Variants in REEP1 observed in about 807,000 individuals in gnomAD.
REEP1 encodes receptor expression-enhancing protein 1.
Under a neutral mutation model 40.3 loss-of-function variants are expected in REEP1, and 22 were observed. That is an observed-to-expected ratio of 0.55 (90% CI 0.39 to 0.78). REEP1 has a LOEUF of 0.78. Ranked by LOEUF, REEP1 falls within the 30% of genes least tolerant of loss-of-function variation. REEP1 has a pLI of 0.00. For missense variants in REEP1, 280 were observed against 361.1 expected, an observed-to-expected ratio of 0.78 and a Z score of 1.82; for synonymous variants, 116 against 139.2, an observed-to-expected ratio of 0.83 and a Z score of 1.17.
intron 1 of REEP1, among the ~76,000 whole-genome samples, chr2:86,322,043 G>A (rs1273253400): frequency 6.6e-6 from 1 of 152,202 alleles, no homozygotes; most frequent in South Asian, 2.1e-4. Flanking sequence ...AAGCAAGGTT[G>A]TATTCTTCCA....
intron 1 of REEP1, among the ~76,000 whole-genome samples, chr2:86,331,945 T>C (rs946996538): frequency 1.3e-5 from 2 of 152,148 alleles, no homozygotes; most frequent in Admixed American, 1.3e-4. Context: ...CTTGCCATCC[T>C]GGTCTGGGTA....
chr2:86,243,953 G>A lies in REEP1; in HGVS notation c.417+8004C>T, dbSNP rs1160898836. 7.9e-5 allele frequency among the ~76,000 whole-genome samples: 12 copies of A among 152,298 alleles called. 1 individual carries two copies. The East Asian group carries it at 2.1e-3, about 27-fold the overall frequency. ...CCTCTTTGATTCAATAGATGGTAGA[G>A]ACTAAAGCCAGAGAGGTGAAACATA... On this transcript the variant is annotated intron_variant, in intron 5 of 8. Coordinates refer to ENST00000538924, the MANE Select transcript of REEP1 (RefSeq NM_001371279.1).
intron 1 of REEP1, among the ~76,000 whole-genome samples, chr2:86,310,471 A>G (rs1258866186): frequency 4.6e-5 from 7 of 152,194 alleles, no homozygotes. Flanking sequence ...AGGTTTGTGT[A>G]AGTACACTCT....
chr2:86,232,569 C>A, intron 6 of REEP1, 56 bp downstream of exon 6: 1 of 1,595,610 alleles, frequency 6.3e-7, no homozygotes, highest in Non-Finnish European at 8.5e-7. Flanking sequence ...CTGGGCCTCT[C>A]TCAATGAAAG....
chr2:86,247,822 C>T (rs1338961165), intron 5 of REEP1, among the ~76,000 whole-genome samples: 2 of 152,030 alleles, frequency 1.3e-5, no homozygotes, highest in East Asian at 1.9e-4. Flanking sequence ...CTGCCTGCCT[C>T]GACCTCTCAA....
At chr2:86,267,559 G>A (rs1396011023) in intron 2 of REEP1, among the ~76,000 whole-genome samples, 1 of 151,748 alleles carries the variant, frequency 6.6e-6, no homozygotes, top group East Asian at 1.9e-4. Flanking sequence ...TCACACACCT[G>A]TAGTCCTAGC....
chr2:86,291,709 C>T (rs141972804), intron 1 of REEP1, among the ~76,000 whole-genome samples: 61 of 152,276 alleles, frequency 4.0e-4, no homozygotes, highest in Middle Eastern at 3.4e-3. Context: ...TCCAACAAGA[C>T]GCAAACCCAG....
At chr2:86,229,356 G>A (rs946224732) in intron 6 of REEP1, among the ~76,000 whole-genome samples, 1 of 152,176 alleles carries the variant, frequency 6.6e-6, no homozygotes, top group Non-Finnish European at 1.5e-5. Flanking sequence ...ACCCAGCCAG[G>A]ATGAAGTCTA....
At chr2:86,232,209 G>A (rs1015025345) in intron 6 of REEP1, among the ~76,000 whole-genome samples, 6 of 152,204 alleles carry the variant, frequency 3.9e-5, no homozygotes, top group African/African-American at 1.4e-4. Context: ...CGTGAGAGCA[G>A]TAAGCCCCGG....
intron 2 of REEP1, among the ~76,000 whole-genome samples, chr2:86,279,493 G>T (rs1169856994): frequency 2.0e-5 from 3 of 152,138 alleles, no homozygotes; most frequent in African/African-American, 7.2e-5. Context: ...CACAACAATG[G>T]CTCCCCAAAG....
intron 2 of REEP1, among the ~76,000 whole-genome samples, chr2:86,281,448 C>T (rs919293010): frequency 6.6e-6 from 1 of 152,040 alleles, no homozygotes; most frequent in African/African-American, 2.4e-5. Context: ...GCCAACATGA[C>T]GAAACCCTGT....
intron 5 of REEP1, among the ~76,000 whole-genome samples, chr2:86,249,614 C>T (rs1467061136): frequency 6.6e-6 from 1 of 151,260 alleles, no homozygotes; most frequent in Admixed American, 6.6e-5. Flanking sequence ...ATCTGAGAAT[C>T]TATTAAAAAA....
intron 8 of REEP1, among the ~76,000 whole-genome samples, chr2:86,218,038 T>A (rs1371439296): frequency 6.6e-6 from 1 of 152,104 alleles, no homozygotes; most frequent in Non-Finnish European, 1.5e-5. Flanking sequence ...ACAGAGAACT[T>A]CTTTCTCTAC....
intron 1 of REEP1, among the ~76,000 whole-genome samples, chr2:86,301,522 CAA>C (rs1372462798): frequency 2.0e-5 from 3 of 152,154 alleles, no homozygotes; most frequent in East Asian, 1.9e-4. Flanking sequence ...TTAAATGAAA[CAA>C]GAGTTTTCAA....
chr2:86,280,271 G>A (rs1678002144), intron 2 of REEP1, among the ~76,000 whole-genome samples: 1 of 152,184 alleles, frequency 6.6e-6, no homozygotes, highest in Non-Finnish European at 1.5e-5. Flanking sequence ...ACTCTTGCAC[G>A]TTCCCTACTG....
chr2:86,257,419 A>G (rs1348308437), intron 3 of REEP1, among the ~76,000 whole-genome samples: 2 of 152,222 alleles, frequency 1.3e-5, no homozygotes, highest in African/African-American at 4.8e-5. Flanking sequence ...CTTTTCTAAA[A>G]GCAAAAACAT....
At chr2:86,244,326 A>G (rs1415764827) in intron 5 of REEP1, among the ~76,000 whole-genome samples, 1 of 151,336 alleles carries the variant, frequency 6.6e-6, no homozygotes, top group Non-Finnish European at 1.5e-5. Context: ...TTTTTTTTCT[A>G]TTGTGCTGAC....
chr2:86,267,605 G>T (rs189545088), intron 2 of REEP1, among the ~76,000 whole-genome samples: 3 of 151,966 alleles, frequency 2.0e-5, no homozygotes, highest in Non-Finnish European at 4.4e-5. Context: ...AGGATGGCTT[G>T]AGCCCAGGAG....
At chr2:86,335,155 C>T (rs990721668) in intron 1 of REEP1, among the ~76,000 whole-genome samples, 1 of 152,050 alleles carries the variant, frequency 6.6e-6, no homozygotes, top group African/African-American at 2.4e-5. Flanking sequence ...GAAGAATATG[C>T]CCTCCATCAT....
Sources: allele counts gnomAD v4.1 joint callset (sites outside exome capture counted in the v4.1 genomes callset), GRCh38; gene constraint gnomAD v4.1.1; transcripts MANE v1.5; gene names NCBI Gene and HGNC (gene_info 2026-07-23, HGNC 2026-07-21).